The following PRMT8 variants were observed in gnomAD, a reference collection of about 807,000 sequenced individuals.
The protein encoded by PRMT8 is protein arginine N-methyltransferase 8.
PRMT8 carries 7 observed loss-of-function variants against 47.1 expected under a neutral mutation model. That is an observed-to-expected ratio of 0.15 (90% CI 0.08 to 0.28). PRMT8 has a LOEUF of 0.28. PRMT8 is among the 10% of genes least tolerant of loss of function. PRMT8 has a pLI of 1.00. For missense variants in PRMT8, 237 were observed against 505.4 expected (o/e 0.47, Z 5.09); for synonymous variants, 188 against 186.5 (o/e 1.01, Z -0.07).
chr12:3,386,333 C>T (rs1864137620), intron 1 of PRMT8, among the ~76,000 whole-genome samples: 1 of 152,192 alleles, frequency 6.6e-6, no homozygotes, highest in Non-Finnish European at 1.5e-5. Context: ...ACATTGTATT[C>T]CTGTGATTTC....
At chr12:3,476,202 T>A (rs907349275) in intron 1 of PRMT8, among the ~76,000 whole-genome samples, 1 of 152,154 alleles carries the variant, frequency 6.6e-6, no homozygotes, top group Non-Finnish European at 1.5e-5. Context: ...TGGGAGTGGT[T>A]TAGGCCAGAC....
chr12:3,449,719 A>G (rs1025570737), intron 1 of PRMT8, among the ~76,000 whole-genome samples: 1 of 152,194 alleles, frequency 6.6e-6, no homozygotes, highest in Non-Finnish European at 1.5e-5. Context: ...TTTGCTGTGC[A>G]GAAGCTCTTT....
Position 3,471,200 on chromosome 12 carries a change from G to A in PRMT8, c.49-69406G>A, listed in dbSNP as rs544979701. Among the ~76,000 whole-genome samples the A allele has an allele frequency of 1.1e-3, 163 of 152,220 alleles. 1 individual carries two copies. Among genetic ancestry groups the A allele is most frequent in the Non-Finnish European group, 1.2e-4 (8 of 68,014 alleles). On this transcript the variant is annotated intron_variant, in intron 1 of 9. Coordinates refer to the PRMT8 transcript ENST00000452611. ...TGACCCAGGGCTTCCTTCTGGGTGGGTGCAGTCTGTCACTGTGGCGGGAAG... is the reference window on the plus strand; with the variant it reads ...TGACCCAGGGCTTCCTTCTGGGTGGATGCAGTCTGTCACTGTGGCGGGAAG...
upstream of PRMT8, among the ~76,000 whole-genome samples, chr12:3,490,993 G>A (rs937027667): frequency 1.3e-5 from 2 of 152,042 alleles, no homozygotes; most frequent in Non-Finnish European, 2.9e-5. Context: ...CTTTCTCTGG[G>A]CCCCCCGCGC....
rs556737471 is a variant in PRMT8 at position 3,456,736 on chromosome 12, C to T, written c.48+75294C>T. Among the ~76,000 whole-genome samples the T allele has an allele frequency of 3.4e-4, 51 of 152,208 alleles. 1 individual carries two copies. In the South Asian group the frequency reaches 9.7e-3, roughly 29 times the overall value. ...TGAGGAACCCGTGAGAAGGGGCCAACGCCCGGAGCAGCCACCGTTTCTTAC... is the reference window on the plus strand; with the variant it reads ...TGAGGAACCCGTGAGAAGGGGCCAATGCCCGGAGCAGCCACCGTTTCTTAC... On this transcript the variant is annotated intron_variant, in intron 1 of 9. Coordinates refer to the PRMT8 transcript ENST00000452611. The surrounding 1 kb of genome is among the most constrained non-coding windows in gnomAD (Gnocchi z 4.2).
At chr12:3,522,189 G>C (rs1293453897) in intron 1 of PRMT8, among the ~76,000 whole-genome samples, 1 of 152,034 alleles carries the variant, frequency 6.6e-6, no homozygotes, top group African/African-American at 2.4e-5. Context: ...CCGTATTTAG[G>C]TAGGACCACT....
At chr12:3,441,261 CT>C (rs1864798808) in intron 1 of PRMT8, among the ~76,000 whole-genome samples, 1 of 152,096 alleles carries the variant, frequency 6.6e-6, no homozygotes, top group Admixed American at 6.6e-5. Flanking sequence ...TTTGTAGCAT[CT>C]CTTTAAAAGT....
intron 1 of PRMT8, among the ~76,000 whole-genome samples, chr12:3,420,109 A>G (rs1864525850): frequency 6.6e-6 from 1 of 151,390 alleles, no homozygotes; most frequent in African/African-American, 2.4e-5. Flanking sequence ...ACATGGAGGA[A>G]CCCACCTCAT....
Position 3,436,103 on chromosome 12 carries a change from T to G in PRMT8, c.48+54661T>G, listed in dbSNP as rs1229648345. ...CAAAGGCTTGGCTCTGGTTGCCCTG[T>G]GACTTTGAGTGAAGGTTATTGGGTG... is the stretch of plus-strand genomic sequence containing the variant. On this transcript the variant is annotated intron_variant, in intron 1 of 9. Coordinates refer to the PRMT8 transcript ENST00000452611. The surrounding 1 kb of genome is among the most constrained non-coding windows in gnomAD (Gnocchi z 4.2). Among the ~76,000 whole-genome samples, 1 of 152,146 alleles carries G rather than the reference T, an allele frequency of 6.6e-6. No individual in the cohort carries two copies. The highest frequency in any genetic ancestry group is 1.9e-4 in the East Asian group (1 of 5,174).
chr12:3,529,631 A>C (rs1865998488), intron 1 of PRMT8, among the ~76,000 whole-genome samples: 1 of 152,214 alleles, frequency 6.6e-6, no homozygotes, highest in Non-Finnish European at 1.5e-5. Context: ...GGTTTGCTAG[A>C]ATTAGGTGGA....
chr12:3,393,688 G>A (rs1412283320), intron 1 of PRMT8, among the ~76,000 whole-genome samples: 8 of 144,186 alleles, frequency 5.5e-5, no homozygotes, highest in Non-Finnish European at 1.5e-5. Context: ...GATTGACTTG[G>A]CGATGCGGGC....
intron 1 of PRMT8, among the ~76,000 whole-genome samples, chr12:3,445,349 G>A (rs765303718): frequency 3.9e-5 from 6 of 152,238 alleles, no homozygotes; most frequent in African/African-American, 9.6e-5. Flanking sequence ...GTGTAATAGT[G>A]AGTTGATGCC....
At position 3,540,613 on chromosome 12, in the gene PRMT8, G is replaced by GACCCCCCC; in HGVS notation, c.83_84insACCCCCCC (p.Ser28ArgfsTer41). On this transcript the variant is annotated frameshift_variant, in exon 2 of 10. Transcript: ENST00000382622. LOFTEE classifies it high-confidence loss of function. The stretch of plus-strand genomic sequence containing the variant: ...CCCTTCTCTTCCCCTCAGGTGAACA[G>GACCCCCCC]CCCCCCCTCCCAGCCCCCCCAGCCC... The GACCCCCCC allele has an allele frequency of 1.8e-6, 2 of 1,130,522 alleles. No homozygotes were observed. The highest frequency in any genetic ancestry group is 1.9e-5 in the Admixed American group (1 of 52,690). The allele number at this position is 1,130,522 out of a possible 1,614,324, so 70.0% of individuals were successfully genotyped here.
chr12:3,456,607 C>T lies in PRMT8; in HGVS notation c.48+75165C>T, dbSNP rs942974158. On this transcript the variant is annotated intron_variant, in intron 1 of 9. Transcript: ENST00000452611. This position sits in a 1 kb window ranked among gnomAD's most constrained non-coding sequence, Gnocchi z 4.2. ...CCCGGGACCATCCGTCTGAATTACC[C>T]ACAGGGTGAGGATGAAAGGCGAGGG... 2.6e-5 allele frequency among the ~76,000 whole-genome samples: 4 copies of T among 152,160 alleles called. No homozygotes were observed. Among genetic ancestry groups the T allele is most frequent in the Non-Finnish European group, 5.9e-5 (4 of 68,038 alleles).
chr12:3,543,087 C>T (rs113838558), intron 2 of PRMT8, among the ~76,000 whole-genome samples: 4 of 152,330 alleles, frequency 2.6e-5, no homozygotes, highest in African/African-American at 9.6e-5. Context: ...GAGTATAAGA[C>T]CTGTGAGTCA....
At chr12:3,473,124 T>A (rs950217946) in intron 1 of PRMT8, among the ~76,000 whole-genome samples, 11 of 152,146 alleles carry the variant, frequency 7.2e-5, no homozygotes, top group Admixed American at 2.0e-4. Flanking sequence ...CACTTCTATA[T>A]ACAGTAGAAA....
intron 1 of PRMT8, among the ~76,000 whole-genome samples, chr12:3,460,236 C>T (rs11062658): frequency 0.17 from 26,043 of 152,164 alleles, 2,732 homozygotes; most frequent in Non-Finnish European, 0.22. Context: ...CATTACTTCT[C>T]GGACCACAGG....
At chr12:3,534,202 AG>A (rs1866081148) in intron 1 of PRMT8, among the ~76,000 whole-genome samples, 1 of 152,256 alleles carries the variant, frequency 6.6e-6, no homozygotes, top group Non-Finnish European at 1.5e-5. Flanking sequence ...CAGACGACTC[AG>A]GTTAGAAAAA....
chr12:3,413,757 C>CG (rs144804894), intron 1 of PRMT8, among the ~76,000 whole-genome samples: 32 of 150,902 alleles, frequency 2.1e-4, no homozygotes, highest in Admixed American at 9.9e-4. Context: ...TGACTGTATT[C>CG]GGGGGAAAAA....
Sources: gnomAD v4.1 joint callset for allele counts (sites outside exome capture counted in the v4.1 genomes callset) on GRCh38, gnomAD v4.1.1 for gene constraint, Gnocchi (gnomAD v3.1) non-coding constraint, MANE v1.5 for transcripts, NCBI Gene and HGNC (gene_info 2026-07-23, HGNC 2026-07-21) for gene names.